Variants in PAM observed in about 807,000 individuals in gnomAD.
The protein encoded by PAM is peptidyl-glycine alpha-amidating monooxygenase.
A neutral mutation model predicts 122.1 loss-of-function variants in PAM; 72 were observed. That is an observed-to-expected ratio of 0.59 (90% CI 0.49 to 0.72). The LOEUF (loss-of-function observed/expected upper bound fraction) is 0.72. Among genes scored for constraint, PAM ranks in the 30% least tolerant of loss-of-function variants. PAM has a pLI of 0.00. For missense variants in PAM, 1,106 were observed against 1,183.7 expected (o/e 0.93, Z 0.96); for synonymous variants, 389 against 404.4 (o/e 0.96, Z 0.46).
chr5:102,924,215 T>G (rs1748484409), intron 5 of PAM, among the ~76,000 whole-genome samples: 1 of 152,046 alleles, frequency 6.6e-6, no homozygotes, highest in African/African-American at 2.4e-5. Flanking sequence ...GTGGATCATC[T>G]GAGATCAGGA....
intron 1 of PAM, among the ~76,000 whole-genome samples, chr5:102,764,788 AC>A (rs1236671585): frequency 6.6e-6 from 1 of 152,132 alleles, no homozygotes; most frequent in African/African-American, 2.4e-5. Flanking sequence ...GTGCTCAAAA[AC>A]TGTCAGTGGT....
chr5:102,810,849 TAAATC>T (rs938021054), intron 1 of PAM, among the ~76,000 whole-genome samples: 5 of 151,964 alleles, frequency 3.3e-5, no homozygotes, highest in Admixed American at 6.6e-5. Context: ...AAAAAAAAGT[TAAATC>T]AAACCACTAT....
At chr5:102,873,949 G>C (rs1788343908) in intron 3 of PAM, 3 of 152,024 alleles carry the variant, frequency 2.0e-5, no homozygotes, top group Admixed American at 2.0e-4. Context: ...CCTAATTCTA[G>C]ACTAGCATTT....
intron 15 of PAM, among the ~76,000 whole-genome samples, chr5:102,977,339 A>T (rs1189994774): frequency 6.6e-6 from 1 of 152,154 alleles, no homozygotes; most frequent in Admixed American, 6.6e-5. Context: ...CATGAAGAAG[A>T]CAATAGAATG....
At chr5:102,755,769 G>T (rs776993987) in intron 1 of PAM, among the ~76,000 whole-genome samples, 3 of 151,286 alleles carry the variant, frequency 2.0e-5, no homozygotes, top group Non-Finnish European at 4.4e-5. Flanking sequence ...AAGCCTCCTC[G>T]GTTCTCCGCC....
intron 14 of PAM, among the ~76,000 whole-genome samples, chr5:102,963,541 A>C (rs1342090537): frequency 1.3e-5 from 2 of 151,940 alleles, no homozygotes; most frequent in African/African-American, 4.8e-5. Context: ...TACATTGTAC[A>C]ATTATTTTAA....
chr5:102,908,371 T>C (rs1800259814), intron 4 of PAM, among the ~76,000 whole-genome samples: 1 of 152,076 alleles, frequency 6.6e-6, no homozygotes, highest in Non-Finnish European at 1.5e-5. Flanking sequence ...TTTTGGTTGC[T>C]GTAGCCTTGT....
intron 17 of PAM, among the ~76,000 whole-genome samples, chr5:103,004,310 C>T (rs566199259): frequency 6.6e-6 from 1 of 152,318 alleles, no homozygotes; most frequent in East Asian, 1.9e-4. Flanking sequence ...GCTAAATCAA[C>T]TTGGCCATCG....
At chr5:102,758,032 G>A (rs405752) in intron 1 of PAM, among the ~76,000 whole-genome samples, 65,774 of 121,730 alleles carry the variant, frequency 0.54, 17,915 homozygotes, top group African/African-American at 0.66. Flanking sequence ...ACAGAGAGAG[G>A]CCCTGTCTCA....
intron 1 of PAM, among the ~76,000 whole-genome samples, chr5:102,827,679 T>TAA (rs1163953727): frequency 0.043 from 655 of 15,132 alleles, no homozygotes; most frequent in South Asian, 0.087. Flanking sequence ...TTTTTTTTTT[T>TAA]TTTTTTTTTT....
intron 14 of PAM, among the ~76,000 whole-genome samples, chr5:102,965,900 A>G (rs914532365): frequency 6.6e-6 from 1 of 152,076 alleles, no homozygotes; most frequent in Admixed American, 6.6e-5. Context: ...TTGCCAGTTA[A>G]AAACACAATA....
At chr5:102,816,566 G>T (rs1262464060) in intron 1 of PAM, among the ~76,000 whole-genome samples, 1 of 152,116 alleles carries the variant, frequency 6.6e-6, no homozygotes, top group African/African-American at 2.4e-5. Flanking sequence ...TTCAGGTCAA[G>T]AGAGTGGTCA....
intron 3 of PAM, among the ~76,000 whole-genome samples, chr5:102,886,466 CACA>C (rs1460799009): frequency 1.3e-5 from 2 of 151,682 alleles, no homozygotes; most frequent in African/African-American, 2.4e-5. Flanking sequence ...ACCAGTCTGC[CACA>C]ACATTTTTCC....
chr5:102,974,181 T>C lies in PAM; in HGVS notation c.1228T>C (p.Tyr410His). ...EREDVVHVHKYNPTEKAESES... is the reference protein window; with the variant it reads ...EREDVVHVHKHNPTEKAESES... ...GGAAGATGTTGTTCATGTGCACAAATATAATCCTACAGAAAAGGCAGAATC... is the reference window on the plus strand; with the variant it reads ...GGAAGATGTTGTTCATGTGCACAAACATAATCCTACAGAAAAGGCAGAATC... The change falls in exon 15 of 26, where the codon TAT becomes CAT. Residue 410 changes from tyrosine (Y) to histidine (H), a missense_variant. By Grantham distance (83) the Tyr-to-His change is moderately conservative (BLOSUM62 2). Around this residue, in one of 3 missense-constraint regions of PAM, gnomAD observed 670 missense variants for 690.3 expected, o/e 0.97. Transcript: ENST00000438793. 6.2e-7 allele frequency: 1 copy of C among 1,613,814 alleles called. No individual in the cohort carries two copies. The highest frequency in any genetic ancestry group is 8.5e-7 in the Non-Finnish European group (1 of 1,179,766).
intron 1 of PAM, chr5:102,808,188 T>G (rs1766757308): frequency 6.6e-6 from 1 of 152,244 alleles, no homozygotes; most frequent in African/African-American, 2.4e-5. Flanking sequence ...TCTCTCTCGT[T>G]GCTCGCTTTC....
intron 1 of PAM, among the ~76,000 whole-genome samples, chr5:102,790,927 G>A (rs1374809283): frequency 1.3e-5 from 2 of 152,008 alleles, no homozygotes; most frequent in African/African-American, 4.8e-5. Context: ...TTGTGTGTCA[G>A]CCATTCTGCT....
In PAM at chr5:103,025,246, T is replaced by C; in HGVS notation, c.2601T>C (p.Val867=). Residue 867 remains valine, a synonymous_variant, in exon 24 of 26, where the codon GTT becomes GTC. Coordinates refer to ENST00000438793, the MANE Select transcript of PAM (RefSeq NM_001177306.2). ...IKEPGSGVPV[V]LITTLLVIPV... ...AGCCAGGCTCGGGAGTGCCTGTTGT[T>C]CTCATTACAACCCTTCTGGTTATTC... 6.2e-7 allele frequency: 1 copy of C among 1,613,772 alleles called. No individual in the cohort carries two copies.
rs188721705 is a variant in PAM, at chr5:102,914,017, T to C, written c.352T>C (p.Tyr118His). 22 of 1,538,554 alleles carry C rather than the reference T, an allele frequency of 1.4e-5. No homozygotes were observed. Among genetic ancestry groups the C allele is most frequent in the Non-Finnish European group, 1.7e-5 (19 of 1,111,292 alleles). Residue 118 changes from tyrosine to histidine, a missense_variant, in exon 5 of 26, where the codon TAC (tyrosine) becomes CAC (histidine). Tyr to His is a moderately conservative substitution (Grantham distance 83). Transcript: ENST00000438793. ...GCNMPSSTGS[Y>H]WFCDEGTCTD... ...CAATATGCCTTCATCCACTGGAAGTTACTGGTAAGGATAATGGGTTTACAG... is the reference window on the plus strand; with the variant it reads ...CAATATGCCTTCATCCACTGGAAGTCACTGGTAAGGATAATGGGTTTACAG...
intron 21 of PAM, 129 bp from the exon 22 acceptor site, chr5:103,017,205 A>C (rs1412390513): frequency 1.5e-6 from 1 of 660,178 alleles, no homozygotes; most frequent in Non-Finnish European, 2.7e-6. Flanking sequence ...TTCAATAGGA[A>C]ATATTTTGCT....
Sources: allele counts gnomAD v4.1 joint callset (sites outside exome capture counted in the v4.1 genomes callset), GRCh38; gene constraint gnomAD v4.1.1; regional missense constraint gnomAD v4.1.1; transcripts MANE v1.5; gene names NCBI Gene and HGNC (gene_info 2026-07-23, HGNC 2026-07-21).